MTFMT: variants seen among roughly 807,000 people sequenced by gnomAD.
MTFMT encodes methionyl-tRNA formyltransferase, mitochondrial.
In MTFMT, 47 loss-of-function variants were observed where a neutral mutation model predicts 51.8. The ratio of observed to expected loss-of-function variants is 0.91; its 90% CI spans 0.72 to 1.16. MTFMT has a LOEUF of 1.16. Among genes scored for constraint, MTFMT ranks in the 50% most tolerant of loss-of-function variants. The pLI, the probability that MTFMT is intolerant of heterozygous loss-of-function variation, is 0.00. For synonymous variants in MTFMT, 196 were observed against 176.7 expected, an observed-to-expected ratio of 1.11 and a Z score of -0.87; for missense variants, 512 against 482.3, an observed-to-expected ratio of 1.06 and a Z score of -0.58.
At chr15:65,012,023 G>A (rs375270136) in intron 6 of MTFMT, among the ~76,000 whole-genome samples, 2 of 149,430 alleles carry the variant, frequency 1.3e-5, no homozygotes, top group Admixed American at 6.8e-5. Context: ...CATATGATGT[G>A]ACATAGGGTC....
At chr15:65,022,232 G>A (rs1595892044) in intron 3 of MTFMT, among the ~76,000 whole-genome samples, 1 of 152,278 alleles carries the variant, frequency 6.6e-6, no homozygotes, top group South Asian at 2.1e-4. Context: ...GGAGGCCAAG[G>A]TGGGTGGATC....
At chr15:65,007,648 G>A (rs1257993844) in intron 6 of MTFMT, among the ~76,000 whole-genome samples, 1 of 152,158 alleles carries the variant, frequency 6.6e-6, no homozygotes, top group African/African-American at 2.4e-5. Flanking sequence ...GCCTGGATAA[G>A]TGAGAAAAAA....
chr15:65,007,734 T>C (rs1347749217), intron 6 of MTFMT, among the ~76,000 whole-genome samples: 3 of 152,224 alleles, frequency 2.0e-5, no homozygotes, highest in African/African-American at 4.8e-5. Flanking sequence ...TTTTAATTTA[T>C]TTATCTGTAA....
chr15:65,029,021 G>A (rs1427631125), intron 1 of MTFMT, among the ~76,000 whole-genome samples: 1 of 152,128 alleles, frequency 6.6e-6, no homozygotes, highest in Non-Finnish European at 1.5e-5. Flanking sequence ...GAACCACCTC[G>A]GCTGATGACC....
At chr15:65,025,543 G>T (rs2086415661) in intron 2 of MTFMT, among the ~76,000 whole-genome samples, 1 of 152,128 alleles carries the variant, frequency 6.6e-6, no homozygotes, top group Non-Finnish European at 1.5e-5. Context: ...AGCAGCGGAA[G>T]TGATGAGATA....
intron 5 of MTFMT, 74 bp downstream of exon 5, chr15:65,020,123 A>G (rs1368196592): frequency 7.3e-7 from 1 of 1,367,270 alleles, no homozygotes; most frequent in African/African-American, 1.5e-5. Flanking sequence ...ACAGCTAAGA[A>G]GTCAGAATGT....
chr15:65,004,805 A>T (rs575774876), intron 8 of MTFMT, 49 bp downstream of exon 8: 1 of 1,285,882 alleles, frequency 7.8e-7, no homozygotes, highest in Non-Finnish European at 1.1e-6. Flanking sequence ...GATACAGACT[A>T]TAACATAGTA....
intron 5 of MTFMT, among the ~76,000 whole-genome samples, chr15:65,019,176 A>G (rs1175218571): frequency 6.6e-6 from 1 of 152,180 alleles, no homozygotes; most frequent in Admixed American, 6.5e-5. Flanking sequence ...ACATCTTAAC[A>G]CTGGAAAGAT....
At chr15:65,011,625 T>A (rs970625026) in intron 6 of MTFMT, among the ~76,000 whole-genome samples, 1 of 150,440 alleles carries the variant, frequency 6.6e-6, no homozygotes, top group African/African-American at 2.4e-5. Context: ...GCCTCCCAAG[T>A]AGCTAGGACC....
chr15:65,008,476 C>T (rs2086236608), intron 6 of MTFMT, among the ~76,000 whole-genome samples: 1 of 152,204 alleles, frequency 6.6e-6, no homozygotes, highest in Non-Finnish European at 1.5e-5. Flanking sequence ...GTTCAATCCT[C>T]TATTTCATAC....
At chr15:65,021,390 A>G (rs1202975481) in intron 4 of MTFMT, 124 bp downstream of exon 4, 4 of 690,158 alleles carry the variant, frequency 5.8e-6, no homozygotes, top group Non-Finnish European at 2.5e-6. Flanking sequence ...TAGGAAGCCA[A>G]AGATAGAAAT....
intron 8 of MTFMT, 53 bp downstream of exon 8, chr15:65,004,801 G>A: frequency 8.1e-7 from 1 of 1,232,458 alleles, no homozygotes; most frequent in East Asian, 2.3e-5. Context: ...AAATGATACA[G>A]ACTATAACAT....
At chr15:65,023,456 T>C (rs1239314726) in intron 3 of MTFMT, among the ~76,000 whole-genome samples, 1 of 152,132 alleles carries the variant, frequency 6.6e-6, no homozygotes, top group Non-Finnish European at 1.5e-5. Context: ...CAAATTAAAA[T>C]TCACATATGG....
Position 65,001,985 on chromosome 15 carries a change from G to A in MTFMT, c.*1077C>T, listed in dbSNP as rs2086179852. ...ACTACTTGGTTAAATCTAGCTGGTA[G>A]TGAAATGTAAAGAGCTGGATTTACT... is the stretch of plus-strand genomic sequence containing the variant. On this transcript the variant is annotated 3_prime_UTR_variant, in exon 9 of 9. Transcript: ENST00000220058. 6.6e-6 allele frequency: 1 copy of A among 152,180 alleles called. No homozygotes were observed. The allele number at this position is 152,180 out of a possible 1,614,324, so 9.4% of individuals were successfully genotyped here.
At chr15:65,019,583 CA>C (rs2086353715) in intron 5 of MTFMT, among the ~76,000 whole-genome samples, 1 of 151,842 alleles carries the variant, frequency 6.6e-6, no homozygotes, top group Admixed American at 6.6e-5. Context: ...TGGAAGAAAA[CA>C]AATCAAACAA....
intron 6 of MTFMT, among the ~76,000 whole-genome samples, chr15:65,012,787 C>T (rs2086282146): frequency 6.6e-6 from 1 of 152,176 alleles, no homozygotes; most frequent in Admixed American, 6.5e-5. Flanking sequence ...AGTTTTGAAA[C>T]TGAAAACTAT....
chr15:65,008,488 T>A (rs1451248257), intron 6 of MTFMT, among the ~76,000 whole-genome samples: 1 of 152,240 alleles, frequency 6.6e-6, no homozygotes, highest in Non-Finnish European at 1.5e-5. Flanking sequence ...ATTTCATACA[T>A]GAAGAGAGTG....
chr15:65,004,456 T>C (rs1283497647), intron 8 of MTFMT, among the ~76,000 whole-genome samples: 1 of 152,184 alleles, frequency 6.6e-6, no homozygotes, highest in African/African-American at 2.4e-5. Context: ...TTTTAAAAAG[T>C]TCAGAAATCT....
At chr15:65,014,562 G>A (rs1329901685) in intron 6 of MTFMT, among the ~76,000 whole-genome samples, 1 of 151,572 alleles carries the variant, frequency 6.6e-6, no homozygotes, top group East Asian at 1.9e-4. Flanking sequence ...CTGACCTCAG[G>A]TGATCCGCCC....
Sources: allele counts gnomAD v4.1 joint callset (sites outside exome capture counted in the v4.1 genomes callset), GRCh38; gene constraint gnomAD v4.1.1; transcripts MANE v1.5; gene names NCBI Gene and HGNC (gene_info 2026-07-23, HGNC 2026-07-21).